The following ZBBX variants were observed in gnomAD, a reference collection of about 807,000 sequenced individuals.
ZBBX encodes zinc finger B-box domain-containing protein 1.
A neutral mutation model predicts 108.5 loss-of-function variants in ZBBX; 101 were observed. That is an observed-to-expected ratio of 0.93 (90% CI 0.79 to 1.10). The LOEUF is 1.10. ZBBX is among the 50% of genes least tolerant of loss of function. The pLI, the probability that ZBBX is intolerant of heterozygous loss-of-function variation, is 0.00. For missense variants in ZBBX, 1,009 were observed against 941.4 expected (o/e 1.07, Z -0.94); for synonymous variants, 356 against 323.4 (o/e 1.10, Z -1.08).
At chr3:167,196,252 A>G in the ZBBX span, among the ~76,000 whole-genome samples, 1 of 152,222 alleles carries the variant, frequency 6.6e-6, no homozygotes, top group Non-Finnish European at 1.5e-5. Context: ...AGAAGAATCT[A>G]TATGCTATCA....
At chr3:167,239,686 T>C (rs1720386621), downstream of ZBBX, among the ~76,000 whole-genome samples, 1 of 152,054 alleles carries the variant, frequency 6.6e-6, no homozygotes, top group Non-Finnish European at 1.5e-5. Flanking sequence ...TTAGTTACAT[T>C]TGAGGGGAGT....
intron 5 of ZBBX, among the ~76,000 whole-genome samples, chr3:167,367,288 T>C (rs998648471): frequency 8.4e-4 from 128 of 151,832 alleles, no homozygotes; most frequent in African/African-American, 2.8e-3. Context: ...AAATAACACA[T>C]TGACCTAAAA....
At chr3:167,391,827 T>G (rs939176363) in intron 1 of ZBBX, among the ~76,000 whole-genome samples, 5 of 151,880 alleles carry the variant, frequency 3.3e-5, no homozygotes, top group Non-Finnish European at 7.4e-5. Context: ...GTGTAACTAC[T>G]ACTAGAATGA....
intron 8 of ZBBX, among the ~76,000 whole-genome samples, chr3:167,358,220 A>G (rs1445360984): frequency 6.6e-6 from 1 of 152,056 alleles, no homozygotes; most frequent in Non-Finnish European, 1.5e-5. Flanking sequence ...AAGAAATCCT[A>G]TCATTCCACA....
chr3:167,289,780 T>C (rs1433504287), intron 18 of ZBBX, among the ~76,000 whole-genome samples: 1 of 152,094 alleles, frequency 6.6e-6, no homozygotes, highest in East Asian at 1.9e-4. Flanking sequence ...GGGAGCCAAG[T>C]GGTCTGGCTC....
chr3:167,179,040 C>G, the ZBBX span, among the ~76,000 whole-genome samples: 3 of 151,946 alleles, frequency 2.0e-5, no homozygotes, highest in East Asian at 3.9e-4. Context: ...GGGGCATTGT[C>G]CATTTTAAGA....
chr3:167,331,368 T>C (rs1738603876), intron 10 of ZBBX, among the ~76,000 whole-genome samples: 1 of 152,166 alleles, frequency 6.6e-6, no homozygotes, highest in African/African-American at 2.4e-5. Context: ...AAGGTACTTA[T>C]TGGTATCCAG....
the ZBBX span, among the ~76,000 whole-genome samples, chr3:167,211,934 G>A: frequency 7.2e-5 from 11 of 151,750 alleles, no homozygotes; most frequent in African/African-American, 2.4e-4. Flanking sequence ...GAGCCAACCG[G>A]AGGTGGAAGG....
At chr3:167,245,141 C>T (rs13082330) in intron 20 of ZBBX, among the ~76,000 whole-genome samples, 108,114 of 152,096 alleles carry the variant, frequency 0.71, 38,762 homozygotes, top group East Asian at 0.83. Context: ...GGGCCGGGCG[C>T]GGTGGCTCAC....
chr3:167,278,267 A>C (rs2108507035), intron 20 of ZBBX, among the ~76,000 whole-genome samples: 1 of 150,048 alleles, frequency 6.7e-6, no homozygotes, highest in African/African-American at 2.5e-5. Context: ...AAATGAAGGA[A>C]ATAGAGACAC....
At chr3:167,302,989 C>G (rs891639281) in intron 17 of ZBBX, among the ~76,000 whole-genome samples, 2 of 152,128 alleles carry the variant, frequency 1.3e-5, no homozygotes, top group African/African-American at 2.4e-5. Flanking sequence ...GGGACATAAT[C>G]TCTATATTTC....
At chr3:167,326,809 T>A (rs1737470413) in intron 11 of ZBBX, among the ~76,000 whole-genome samples, 1 of 151,956 alleles carries the variant, frequency 6.6e-6, no homozygotes, top group African/African-American at 2.4e-5. Flanking sequence ...TATTTAAAAG[T>A]TTAATTATAA....
At chr3:167,348,261 G>GGGAA (rs71176640) in intron 9 of ZBBX, among the ~76,000 whole-genome samples, 3,725 of 74,702 alleles carry the variant, frequency 0.05, 323 homozygotes, top group African/African-American at 0.12. Context: ...GAGGGTGGAA[G>GGGAA]GGAAGGAAGG....
chr3:167,315,697 G>A (rs1242055301), intron 15 of ZBBX, 53 bp downstream of exon 15: 6 of 1,214,898 alleles, frequency 4.9e-6, no homozygotes, highest in East Asian at 4.7e-5. Flanking sequence ...GATTTTGTGT[G>A]TGTGTCAGGA....
intron 9 of ZBBX, among the ~76,000 whole-genome samples, chr3:167,338,774 A>G (rs899974441): frequency 2.6e-5 from 4 of 152,070 alleles, no homozygotes; most frequent in African/African-American, 7.2e-5. Flanking sequence ...ATATAGAGGT[A>G]GAGAGAGAGA....
the ZBBX span, among the ~76,000 whole-genome samples, chr3:167,199,855 G>A: frequency 3.9e-5 from 6 of 152,032 alleles, no homozygotes; most frequent in Admixed American, 3.3e-4. Context: ...TACCACAAAC[G>A]GAGTGCTTAA....
chr3:167,353,360 G>A (rs1351871860), intron 8 of ZBBX, among the ~76,000 whole-genome samples: 3 of 152,018 alleles, frequency 2.0e-5, no homozygotes, highest in Non-Finnish European at 4.4e-5. Context: ...ACTAGATGGA[G>A]GCCATTATCC....
the ZBBX span, among the ~76,000 whole-genome samples, chr3:167,183,157 G>A: frequency 6.6e-6 from 1 of 152,172 alleles, no homozygotes; most frequent in East Asian, 1.9e-4. Flanking sequence ...GCTTTAGCTG[G>A]CAAACAAACC....
intron 6 of ZBBX, among the ~76,000 whole-genome samples, chr3:167,362,779 T>C (rs1744727127): frequency 6.6e-6 from 1 of 152,090 alleles, no homozygotes; most frequent in Non-Finnish European, 1.5e-5. Flanking sequence ...TCTTCAGTGC[T>C]GTTTCCAGAA....
Sources: allele counts gnomAD v4.1 joint callset (sites outside exome capture counted in the v4.1 genomes callset), GRCh38; gene constraint gnomAD v4.1.1; transcripts MANE v1.5; gene names NCBI Gene and HGNC (gene_info 2026-07-23, HGNC 2026-07-21).